The following FECH variants were observed in gnomAD, a reference collection of about 807,000 sequenced individuals.
The protein encoded by FECH is ferrochelatase, mitochondrial.
FECH carries 40 observed loss-of-function variants against 56.9 expected under a neutral mutation model. The ratio of observed to expected loss-of-function variants is 0.70; its 90% CI spans 0.55 to 0.92. FECH has a LOEUF of 0.92. FECH is among the 40% of genes least tolerant of loss of function. The pLI is 0.00. For synonymous variants in FECH, 175 were observed against 198.6 expected, an observed-to-expected ratio of 0.88 and a Z score of 1.00; for missense variants, 431 against 529.1, an observed-to-expected ratio of 0.81 and a Z score of 1.82.
intron 4 of FECH, among the ~76,000 whole-genome samples, chr18:57,569,050 AAGGAACC>A (rs1353566290): frequency 6.6e-6 from 1 of 152,220 alleles, no homozygotes; most frequent in Non-Finnish European, 1.5e-5. Context: ...CCATCAGAGA[AAGGAACC>A]CATACGCCTA....
intron 5 of FECH, 140 bp downstream of exon 5, chr18:57,566,307 G>A: frequency 8.6e-7 from 1 of 1,165,152 alleles, no homozygotes; most frequent in Non-Finnish European, 1.3e-6. Context: ...GGACTGACCT[G>A]AACTCTCGTG....
At chr18:57,554,769 A>C (rs2050846604) in intron 8 of FECH, 76 bp downstream of exon 8, 1 of 1,270,866 alleles carries the variant, frequency 7.9e-7, no homozygotes, top group Non-Finnish European at 1.1e-6. Context: ...TAAGAGCCAA[A>C]TCTAACCATT....
chr18:57,555,103 A>G (rs2050852212), intron 7 of FECH, 151 bp from the exon 8 acceptor site: 1 of 700,078 alleles, frequency 1.4e-6, no homozygotes, highest in South Asian at 1.5e-5. Flanking sequence ...TTCAATCACC[A>G]AACTTCCTTA....
intron 8 of FECH, 90 bp from the exon 9 acceptor site, chr18:57,554,514 C>T (rs1019575282): frequency 2.9e-6 from 4 of 1,384,026 alleles, no homozygotes; most frequent in African/African-American, 2.9e-5. Flanking sequence ...CACGCACTGC[C>T]CACTGCGGGC....
intron 9 of FECH, among the ~76,000 whole-genome samples, chr18:57,553,229 A>T (rs2050822337): frequency 6.6e-6 from 1 of 151,866 alleles, no homozygotes; most frequent in African/African-American, 2.4e-5. Flanking sequence ...TGCTGCAACC[A>T]TTTCTTAGCC....
Position 57,548,322 on chromosome 18 carries a change from A to AT in FECH, c.*2389dup, listed in dbSNP as rs1184631385. 18 of 152,070 alleles carry AT rather than the reference A, an allele frequency of 1.2e-4. No homozygotes were observed. Among genetic ancestry groups the AT allele is most frequent in the Non-Finnish European group, 2.5e-4 (17 of 68,006 alleles). The allele number at this position is 152,070 out of a possible 1,614,324, so 9.4% of individuals were successfully genotyped here. A position where few individuals can be genotyped will look rare whatever the true frequency, so the allele number is the denominator to read the frequency against. On this transcript the variant is annotated 3_prime_UTR_variant, in exon 11 of 11. Coordinates refer to ENST00000262093, the MANE Select transcript of FECH (RefSeq NM_000140.5). ...TACGAAGCAAATTTTGAGTGCAAAA[A>AT]TTTATTGTGATTTTTAAAAAGTTAA...
chr18:57,550,418 G>T lies in FECH; in HGVS notation c.*294C>A. 2 of 372,888 alleles carry T rather than the reference G, an allele frequency of 5.4e-6. No individual in the cohort carries two copies. Among genetic ancestry groups the T allele is most frequent in the Non-Finnish European group, 1.0e-5 (2 of 198,426 alleles). 23.1% of individuals were successfully genotyped at this position (372,888 alleles called of 1,614,324 possible). A position where few individuals can be genotyped will look rare whatever the true frequency, so the allele number is the denominator to read the frequency against. On this transcript the variant is annotated 3_prime_UTR_variant, in exon 11 of 11. Transcript: ENST00000262093. ...TAAAGCCAAAATCTGTACTTAAATAGGTGTGTCTCATAAGACAAATTTTTA... is the reference window on the plus strand; with the variant it reads ...TAAAGCCAAAATCTGTACTTAAATATGTGTGTCTCATAAGACAAATTTTTA...
rs915127329 is a variant in FECH, at chr18:57,548,234, T to A, written c.*2478A>T. ...CCACTGCCCTCCAGCCTGGGTGACA[T>A]AGCAAGACTCCATCTTAAAAAAAAA... is the stretch of plus-strand genomic sequence containing the variant. On this transcript the variant is annotated 3_prime_UTR_variant, in exon 11 of 11. Coordinates refer to ENST00000262093, the MANE Select transcript of FECH (RefSeq NM_000140.5). 1 of 142,380 alleles carries A rather than the reference T, an allele frequency of 7.0e-6. No individual in the cohort carries two copies. 8.8% of individuals were successfully genotyped at this position (142,380 alleles called of 1,614,324 possible). A position where few individuals can be genotyped will look rare whatever the true frequency, so the allele number is the denominator to read the frequency against.
intron 1 of FECH, 103 bp downstream of exon 1, chr18:57,586,450 TC>T: frequency 2.3e-6 from 3 of 1,282,726 alleles, no homozygotes; most frequent in Non-Finnish European, 2.1e-6. Context: ...CCAAGGCCGC[TC>T]CCCGAATCCC....
At chr18:57,557,432 C>T (rs1056339591) in intron 7 of FECH, among the ~76,000 whole-genome samples, 2 of 152,166 alleles carry the variant, frequency 1.3e-5, no homozygotes, top group African/African-American at 4.8e-5. Flanking sequence ...AAGCAGCGTG[C>T]TCCGTCCCCA....
rs2050746965 is a variant in FECH, at chr18:57,548,287, T to C, written c.*2425A>G. 2 of 151,732 alleles carry C rather than the reference T, an allele frequency of 1.3e-5. No homozygotes were observed. Among genetic ancestry groups the C allele is most frequent in the African/African-American group, 2.4e-5 (1 of 41,310 alleles). The allele number at this position is 151,732 out of a possible 1,614,324, so 9.4% of individuals were successfully genotyped here. ...AAAACAAAACAAAACAATGAGTTCA[T>C]TTCTCCTGATACGAAGCAAATTTTG... On this transcript the variant is annotated 3_prime_UTR_variant, in exon 11 of 11. Transcript: ENST00000262093.
rs1008531367 is a variant in FECH at position 57,548,583 on chromosome 18, C to T, written c.*2129G>A. On this transcript the variant is annotated 3_prime_UTR_variant, in exon 11 of 11. Coordinates refer to ENST00000262093, the MANE Select transcript of FECH (RefSeq NM_000140.5). ...ATTTCAAAGTTGACCAACAGGATGA[C>T]AATTCTCAAAGCTCTAAAAAGATTT... is the stretch of plus-strand genomic sequence containing the variant. The T allele has an allele frequency of 6.6e-5, 10 of 152,220 alleles. No homozygotes were observed. The highest frequency in any genetic ancestry group is 1.3e-4 in the Non-Finnish European group (9 of 68,038). 9.4% of individuals were successfully genotyped at this position (152,220 alleles called of 1,614,324 possible).
chr18:57,564,447 T>C (rs1302372742), intron 5 of FECH, among the ~76,000 whole-genome samples: 1 of 152,204 alleles, frequency 6.6e-6, no homozygotes, highest in Non-Finnish European at 1.5e-5. Flanking sequence ...ACACAGCCTC[T>C]TCCTCAGTCT....
At chr18:57,559,414 A>G (rs1292748312) in intron 6 of FECH, among the ~76,000 whole-genome samples, 171 bp from the exon 7 acceptor site, 1 of 152,230 alleles carries the variant, frequency 6.6e-6, no homozygotes, top group South Asian at 2.1e-4. Context: ...GCATTGGTTT[A>G]TCATCAAAAT....
chr18:57,568,819 A>G (rs1434015474), intron 4 of FECH, among the ~76,000 whole-genome samples: 2 of 152,252 alleles, frequency 1.3e-5, no homozygotes, highest in Admixed American at 6.5e-5. Context: ...AAAGTTTGAA[A>G]TATGTAGCAA....
rs2050775214 is a variant in FECH at position 57,549,933 on chromosome 18, A to C, written c.*779T>G. On this transcript the variant is annotated 3_prime_UTR_variant, in exon 11 of 11. Coordinates refer to ENST00000262093, the MANE Select transcript of FECH (RefSeq NM_000140.5). ...GAGCTCCAGGGTGAAGCTCATCACT[A>C]GCCTTTCCAGCAGCACTGTCCCTGG... The C allele has an allele frequency of 6.6e-6, 1 of 152,248 alleles. No individual in the cohort carries two copies. The highest frequency in any genetic ancestry group is 6.5e-5 in the Admixed American group (1 of 15,288). The allele number at this position is 152,248 out of a possible 1,614,324, so 9.4% of individuals were successfully genotyped here.
rs2050780797 is a variant in FECH at position 57,550,340 on chromosome 18, C to T, written c.*372G>A. 4.2e-6 allele frequency: 1 copy of T among 235,766 alleles called. No homozygotes were observed. The highest frequency in any genetic ancestry group is 6.1e-5 in the South Asian group (1 of 16,354). 14.6% of individuals were successfully genotyped at this position (235,766 alleles called of 1,614,324 possible). A position where few individuals can be genotyped will look rare whatever the true frequency, so the allele number is the denominator to read the frequency against. Reference sequence around the variant, plus strand: ...CGAGACTAAACAGATCTCATTCACACTGCCAGCCCACAGAGGGGACTCTCC... The same window carrying T: ...CGAGACTAAACAGATCTCATTCACATTGCCAGCCCACAGAGGGGACTCTCC... On this transcript the variant is annotated 3_prime_UTR_variant, in exon 11 of 11. Coordinates refer to ENST00000262093, the MANE Select transcript of FECH (RefSeq NM_000140.5).
At position 57,550,677 on chromosome 18, in the gene FECH, C is replaced by CA. The variant is rs557575302; in HGVS notation, c.*34dup. On this transcript the variant is annotated 3_prime_UTR_variant, in exon 11 of 11. Transcript: ENST00000262093. ...ACATCGGAGGTATCTGGAGGTTGGG[C>CA]ATTTGCCTAACGCCACGGGGTCCAC... 3.7e-5 allele frequency: 60 copies of CA among 1,613,762 alleles called. No homozygotes were observed. In the South Asian group the frequency reaches 6.2e-4, roughly 17 times the overall value.
At chr18:57,570,194 C>T (rs2051083447) in intron 4 of FECH, among the ~76,000 whole-genome samples, 1 of 152,050 alleles carries the variant, frequency 6.6e-6, no homozygotes, top group South Asian at 2.1e-4. Context: ...ACACCAGGCC[C>T]ACAAGAAACC....
Sources: allele counts gnomAD v4.1 joint callset (sites outside exome capture counted in the v4.1 genomes callset), GRCh38; gene constraint gnomAD v4.1.1; transcripts MANE v1.5; gene names NCBI Gene and HGNC (gene_info 2026-07-23, HGNC 2026-07-21).